SYNM: variants seen among roughly 807,000 people sequenced by gnomAD.
SYNM encodes synemin.
A neutral mutation model predicts 104.0 loss-of-function variants in SYNM; 95 were observed. That is an observed-to-expected ratio of 0.91 (90% confidence interval 0.77 to 1.08). The LOEUF (loss-of-function observed/expected upper bound fraction) is 1.08. SYNM is among the 50% of genes least tolerant of loss of function. SYNM has a pLI of 0.00. For synonymous variants in SYNM, 918 were observed against 869.0 expected, an observed-to-expected ratio of 1.06 and a Z score of -0.99; for missense variants, 2,150 against 2,052.2, an observed-to-expected ratio of 1.05 and a Z score of -0.92.
intron 1 of SYNM, among the ~76,000 whole-genome samples, chr15:99,107,676 A>G (rs1555482955): frequency 2.0e-5 from 3 of 152,188 alleles, no homozygotes; most frequent in African/African-American, 7.2e-5. Context: ...AATGTGAGCC[A>G]TATGAAAGCA....
intron 2 of SYNM, among the ~76,000 whole-genome samples, chr15:99,121,618 C>T (rs543653466): frequency 1.3e-5 from 2 of 152,320 alleles, no homozygotes; most frequent in South Asian, 2.1e-4. Flanking sequence ...CCTCTCACTG[C>T]CGATGTGAAG....
At chr15:99,110,742 G>A (rs961526682) in intron 1 of SYNM, among the ~76,000 whole-genome samples, 2 of 152,114 alleles carry the variant, frequency 1.3e-5, no homozygotes, top group African/African-American at 2.4e-5. Flanking sequence ...TTTCATCATC[G>A]GTTGTGATGC....
chr15:99,131,919 G>T lies in SYNM; in HGVS notation c.3559G>T (p.Val1187Phe). Residue 1187 changes from valine to phenylalanine, a missense_variant, in exon 4 of 4, where the codon GTC (valine) becomes TTC (phenylalanine). Physicochemically the swap from Val to Phe is conservative, Grantham distance 50. Coordinates refer to ENST00000336292, the MANE Select transcript of SYNM (RefSeq NM_145728.3). The surrounding 1 kb of genome is among the most constrained non-coding windows in gnomAD (Gnocchi z 4.3). ...CGGTCAAAGTCCACTGTCCAGAGAA[G>T]TCATCTTCCTAGGCCCTGCCCCTGC... Reference protein sequence around the residue: ...GPGQSPLSREVIFLGPAPACP... With the variant: ...GPGQSPLSREFIFLGPAPACP... 3.7e-6 allele frequency: 6 copies of T among 1,613,892 alleles called. No individual in the cohort carries two copies. Among genetic ancestry groups the T allele is most frequent in the Non-Finnish European group, 5.1e-6 (6 of 1,179,868 alleles).
chr15:99,131,222 G>C lies in SYNM; in HGVS notation c.2862G>C (p.Gly954=). Residue 954 remains glycine (G), a synonymous_variant, in exon 4 of 4, where the codon GGG becomes GGC. Transcript: ENST00000336292. The surrounding 1 kb of genome is among the most constrained non-coding windows in gnomAD (Gnocchi z 4.3). ...EPRQQLVEVI[G]QLEETLPERM... ...GGCAGCAGCTGGTGGAGGTCATCGG[G>C]CAGCTGGAGGAAACCCTTCCCGAGC... 1 of 1,609,042 alleles carries C rather than the reference G, an allele frequency of 6.2e-7. No homozygotes were observed. Among genetic ancestry groups the C allele is most frequent in the Non-Finnish European group, 8.5e-7 (1 of 1,177,874 alleles).
In SYNM at chr15:99,130,842, CAG is replaced by C. The variant is rs1396654094; in HGVS notation, c.2485_2486del (p.Ser829LeufsTer8). On this transcript the variant is annotated frameshift_variant, in exon 4 of 4. Transcript: ENST00000336292. LOFTEE classifies it high-confidence loss of function. ...AGAGGCAGGTGATTCAGAGGGCGAG[CAG>C]AGTTATTTTGTGTCCACTCCAGATG... ...VTEAGDSEGE[Q>X]SYFVSTPDEH... 1.2e-6 allele frequency: 2 copies of C among 1,613,960 alleles called. No homozygotes were observed. The highest frequency in any genetic ancestry group is 1.7e-6 in the Non-Finnish European group (2 of 1,179,890).
intron 3 of SYNM, among the ~76,000 whole-genome samples, chr15:99,127,070 C>T (rs1007163238): frequency 2.6e-5 from 4 of 152,152 alleles, no homozygotes; most frequent in Middle Eastern, 3.2e-3. Flanking sequence ...AGTGTGAGGG[C>T]GAGCAGGAGT....
At position 99,129,621 on chromosome 15, in the gene SYNM, A is replaced by C. The variant is rs782222760; in HGVS notation, c.1261A>C (p.Ser421Arg). Residue 421 changes from serine (S) to arginine (R), a missense_variant, in exon 4 of 4, where the codon AGT becomes CGT. Physicochemically the swap from Ser to Arg is moderately radical, Grantham distance 110. Transcript: ENST00000336292. ...AAACTCATACGGAAAAGCCGTCAGC[A>C]GTCAAACCAACGTCAGAACTTTCTC... The part of the protein sequence containing the change: ...QENSYGKAVS[S>R]QTNVRTFSPT... The C allele has an allele frequency of 3.1e-6, 5 of 1,613,866 alleles. No homozygotes were observed. In the East Asian group the frequency reaches 8.9e-5, roughly 29 times the overall value.
chr15:99,124,086 A>G lies in SYNM; in HGVS notation c.936-2636A>G, dbSNP rs954686952. On this transcript the variant is annotated intron_variant, in intron 2 of 3. Transcript: ENST00000336292. ...CCACCAACCTGTGGAGCTGTGTGAA[A>G]TGCCCACAATAGCCCATGACTCAGG... Among the ~76,000 whole-genome samples, 3 of 152,358 alleles carry G rather than the reference A, an allele frequency of 2.0e-5. No individual in the cohort carries two copies. In the South Asian group the frequency reaches 6.2e-4, roughly 32 times the overall value.
downstream of SYNM, chr15:99,139,552 C>T (rs1225821567): frequency 6.5e-7 from 1 of 1,546,754 alleles, no homozygotes; most frequent in Non-Finnish European, 8.7e-7. Context: ...AGTGACTGAC[C>T]TTTGGTTTGG....
At chr15:99,126,622 G>T in intron 2 of SYNM, 100 bp from the exon 3 acceptor site, 1 of 1,164,536 alleles carries the variant, frequency 8.6e-7, no homozygotes, top group South Asian at 1.4e-5. Context: ...TAAAACAGGT[G>T]ACACTATGGT....
At chr15:99,114,702 G>A (rs73476388) in intron 2 of SYNM, among the ~76,000 whole-genome samples, 5,457 of 152,120 alleles carry the variant, frequency 0.036, 308 homozygotes, top group African/African-American at 0.12. Context: ...GCTGGGTGGG[G>A]CAGAGAATGC....
At chr15:99,125,515 G>A (rs376480286) in intron 2 of SYNM, among the ~76,000 whole-genome samples, 4 of 152,350 alleles carry the variant, frequency 2.6e-5, no homozygotes, top group African/African-American at 4.8e-5. Context: ...CGCTGTGTGC[G>A]CCTTCGCGAG....
downstream of SYNM, chr15:99,139,194 G>C: frequency 1.6e-6 from 2 of 1,258,456 alleles, no homozygotes; most frequent in Non-Finnish European, 2.2e-6. Flanking sequence ...CTTTATGCAA[G>C]TTATGGGAAG....
downstream of SYNM, chr15:99,135,679 A>C (rs1051652832): frequency 6.6e-6 from 1 of 152,542 alleles, no homozygotes; most frequent in Non-Finnish European, 1.5e-5. Flanking sequence ...GTTTACATGC[A>C]TGTTTTTAGG....
chr15:99,119,003 C>T (rs2067375316), intron 2 of SYNM, among the ~76,000 whole-genome samples: 1 of 152,250 alleles, frequency 6.6e-6, no homozygotes, highest in African/African-American at 2.4e-5. Context: ...GCTCTTGTCT[C>T]CTGTCAAGAG....
At chr15:99,111,154 T>C (rs2067296766) in intron 1 of SYNM, among the ~76,000 whole-genome samples, 2 of 152,218 alleles carry the variant, frequency 1.3e-5, no homozygotes, top group Admixed American at 1.3e-4. Context: ...GAGGAGTATC[T>C]TCCTGCACAC....
rs531384471 is a variant in SYNM at position 99,116,707 on chromosome 15, A to T, written c.935+2992A>T. On this transcript the variant is annotated intron_variant, in intron 2 of 3. Coordinates refer to ENST00000336292, the MANE Select transcript of SYNM (RefSeq NM_145728.3). The stretch of plus-strand genomic sequence containing the variant: ...TTTTGACATGGAGTCTCACTCTGTC[A>T]CCCAGGCTGGAGTGTGGTGGTGCGA... 2.1e-5 allele frequency among the ~76,000 whole-genome samples: 3 copies of T among 142,116 alleles called. 1 individual carries two copies. In the South Asian group the frequency reaches 7.4e-4, roughly 35 times the overall value. 93.2% of individuals were successfully genotyped at this position (142,116 alleles called of 152,430 possible).
Position 99,131,515 on chromosome 15 carries a change from A to T in SYNM, c.3155A>T (p.Glu1052Val), listed in dbSNP as rs1340030325. 2 of 1,607,204 alleles carry T rather than the reference A, an allele frequency of 1.2e-6. No individual in the cohort carries two copies. Among genetic ancestry groups the T allele is most frequent in the Non-Finnish European group, 1.7e-6 (2 of 1,179,654 alleles). ...AGCCCAGCGCCTGGCAGCCCAGATGAGGAAGGTGGAGCGGAGGCCCCGGCT... is the reference window on the plus strand; with the variant it reads ...AGCCCAGCGCCTGGCAGCCCAGATGTGGAAGGTGGAGCGGAGGCCCCGGCT... Reference protein sequence around the residue: ...QRSPAPGSPDEEGGAEAPAAG... With the variant: ...QRSPAPGSPDVEGGAEAPAAG... The change falls in exon 4 of 4, where the codon GAG (glutamate) becomes GTG (valine). Residue 1052 changes from glutamate to valine, a missense_variant. Glu to Val is a moderately radical substitution (Grantham distance 121, BLOSUM62 -2). Transcript: ENST00000336292. This position sits in a 1 kb window ranked among gnomAD's most constrained non-coding sequence, Gnocchi z 4.3.
Position 99,105,617 on chromosome 15 carries a change from G to C in SYNM, c.418G>C (p.Glu140Gln). The part of the protein sequence containing the change: ...LEALLGRLQA[E>Q]RRGLDAAHER... The stretch of plus-strand genomic sequence containing the variant: ...GGCGCTGCTGGGCCGGCTGCAGGCC[G>C]AGCGCCGAGGCCTCGACGCGGCCCA... The change falls in exon 1 of 4, where the codon GAG becomes CAG. Residue 140 changes from glutamate (E) to glutamine (Q), a missense_variant. Coordinates refer to ENST00000336292, the MANE Select transcript of SYNM (RefSeq NM_145728.3). The C allele has an allele frequency of 3.1e-6, 4 of 1,279,978 alleles. No individual in the cohort carries two copies. The highest frequency in any genetic ancestry group is 3.9e-6 in the Non-Finnish European group (4 of 1,013,420). 79.3% of individuals were successfully genotyped at this position (1,279,978 alleles called of 1,614,324 possible).
Sources: gnomAD v4.1 joint callset for allele counts (sites outside exome capture counted in the v4.1 genomes callset) on GRCh38, gnomAD v4.1.1 for gene constraint, Gnocchi (gnomAD v3.1) non-coding constraint, MANE v1.5 for transcripts, NCBI Gene and HGNC (gene_info 2026-07-23, HGNC 2026-07-21) for gene names.